SPAG6: variants seen among roughly 807,000 people sequenced by gnomAD.
SPAG6 encodes the protein sperm-associated antigen 6.
Under a neutral mutation model 58.5 loss-of-function variants are expected in SPAG6, and 49 were observed. That is an observed-to-expected ratio of 0.84 (90% CI 0.67 to 1.06). The LOEUF (loss-of-function observed/expected upper bound fraction) is 1.06, where lower values mean the gene tolerates loss of function less well. Ranked by LOEUF, SPAG6 falls within the 50% of genes least tolerant of loss-of-function variation. SPAG6 has a pLI of 0.00. For missense variants in SPAG6, 560 were observed against 611.3 expected (o/e 0.92, Z 0.89); for synonymous variants, 233 against 225.6 (o/e 1.03, Z -0.29).
At chr10:22,349,141 G>T (rs566118072) in intron 2 of SPAG6, among the ~76,000 whole-genome samples, 1 of 152,150 alleles carries the variant, frequency 6.6e-6, no homozygotes, top group East Asian at 1.9e-4. Flanking sequence ...GAGCCGCCAC[G>T]CCTGGGTAGT....
At chr10:22,351,789 A>T (rs891715359) in intron 2 of SPAG6, among the ~76,000 whole-genome samples, 4 of 152,164 alleles carry the variant, frequency 2.6e-5, no homozygotes, top group African/African-American at 9.7e-5. Context: ...CTAATTTTCA[A>T]AGTGAAATCT....
At chr10:22,372,940 C>T (rs1833734758) in intron 4 of SPAG6, among the ~76,000 whole-genome samples, 1 of 152,268 alleles carries the variant, frequency 6.6e-6, no homozygotes, top group East Asian at 1.9e-4. Context: ...CAGCAATTTA[C>T]GGTGGAACTG....
At chr10:22,371,735 A>G (rs1224744333) in intron 4 of SPAG6, among the ~76,000 whole-genome samples, 1 of 152,246 alleles carries the variant, frequency 6.6e-6, no homozygotes, top group East Asian at 1.9e-4. Context: ...ATAGAAGGAA[A>G]AAGTTCTGTG....
At chr10:22,364,777 T>C (rs1837145576) in intron 2 of SPAG6, 76 bp from the exon 3 acceptor site, 1 of 1,028,968 alleles carries the variant, frequency 9.7e-7, no homozygotes, top group South Asian at 1.7e-5. Context: ...TTTTACTGTC[T>C]GCATATATAC....
chr10:22,391,703 A>G lies in SPAG6; in HGVS notation c.1006-26A>G, dbSNP rs751234618. ...TTTAATCCTGCTCTAGATTCATAAC[A>G]CTTGCTCTTTTGATCCACGCTGCAG... On this transcript the variant is annotated intron_variant, in intron 7 of 10. Transcript: ENST00000376624. The G allele has an allele frequency of 8.1e-6, 13 of 1,606,598 alleles. No homozygotes were observed. In the East Asian group the frequency reaches 2.7e-4, roughly 33 times the overall value.
chr10:22,350,151 T>C (rs1233563530), intron 2 of SPAG6, among the ~76,000 whole-genome samples: 2 of 152,058 alleles, frequency 1.3e-5, no homozygotes, highest in African/African-American at 2.4e-5. Flanking sequence ...GTTGTGAATA[T>C]GAACGATAAT....
At chr10:22,350,197 G>A (rs1009282971) in intron 2 of SPAG6, among the ~76,000 whole-genome samples, 1 of 151,958 alleles carries the variant, frequency 6.6e-6, no homozygotes, top group African/African-American at 2.4e-5. Context: ...AAAAGATAGG[G>A]ATAGAGAGGT....
At chr10:22,349,655 G>A (rs1388083740) in intron 2 of SPAG6, among the ~76,000 whole-genome samples, 1 of 152,122 alleles carries the variant, frequency 6.6e-6, no homozygotes, top group Admixed American at 6.5e-5. Context: ...GTGGGGTAAA[G>A]TTTAAAATAT....
At chr10:22,411,325 C>G in intron 10 of SPAG6, 149 bp downstream of exon 10, 1 of 569,708 alleles carries the variant, frequency 1.8e-6, no homozygotes, top group Non-Finnish European at 3.0e-6. Context: ...GATCTCTTCC[C>G]CCTGCCAAAT....
chr10:22,388,543 G>A (rs559894203), intron 6 of SPAG6, among the ~76,000 whole-genome samples: 17 of 152,222 alleles, frequency 1.1e-4, no homozygotes, highest in Admixed American at 7.9e-4. Context: ...GTGATTTCCC[G>A]CCCTGAGTTC....
intron 4 of SPAG6, among the ~76,000 whole-genome samples, chr10:22,381,508 C>T (rs1003627674): frequency 3.3e-5 from 5 of 151,322 alleles, no homozygotes; most frequent in Admixed American, 2.0e-4. Flanking sequence ...TCCCACTCCC[C>T]GACCTTTTTT....
chr10:22,350,034 G>T (rs901139268), intron 2 of SPAG6, among the ~76,000 whole-genome samples: 6 of 151,460 alleles, frequency 4.0e-5, no homozygotes, highest in Non-Finnish European at 8.8e-5. Flanking sequence ...TGTTTCAAAG[G>T]ATATTGAAAC....
At chr10:22,367,148 G>C (rs2132052394) in intron 3 of SPAG6, among the ~76,000 whole-genome samples, 1 of 152,078 alleles carries the variant, frequency 6.6e-6, no homozygotes, top group Middle Eastern at 3.4e-3. Flanking sequence ...AGTGACTATT[G>C]ATACCCATAA....
intron 9 of SPAG6, among the ~76,000 whole-genome samples, chr10:22,404,938 G>A (rs1406904912): frequency 6.6e-6 from 1 of 151,942 alleles, no homozygotes; most frequent in Non-Finnish European, 1.5e-5. Context: ...TTGGCTGTTT[G>A]TCTGTTGTTG....
rs766771467 is a variant in SPAG6, at chr10:22,386,975, G to C, written c.678+16G>C. The C allele has an allele frequency of 6.3e-7, 1 of 1,590,432 alleles. No individual in the cohort carries two copies. Among genetic ancestry groups the C allele is most frequent in the South Asian group, 1.1e-5 (1 of 90,564 alleles). On this transcript the variant is annotated intron_variant, in intron 5 of 10. Coordinates refer to ENST00000376624, the MANE Select transcript of SPAG6 (RefSeq NM_012443.4). ...TAAATTGAAGGTATTTCAAAATAAG[G>C]TTGAAAAATACATCAGCCTTCTTAT...
chr10:22,405,171 A>G lies in SPAG6; in HGVS notation c.1314+3894A>G, dbSNP rs1342028850. ...TGCCCTGGCCAGAACTTCCAACACAATGTTGAATAGGAGTGGTGAGAGAGG... is the reference window on the plus strand; with the variant it reads ...TGCCCTGGCCAGAACTTCCAACACAGTGTTGAATAGGAGTGGTGAGAGAGG... On this transcript the variant is annotated intron_variant, in intron 9 of 10. Transcript: ENST00000376624. Among the ~76,000 whole-genome samples, 4 of 152,020 alleles carry G rather than the reference A, an allele frequency of 2.6e-5. No individual in the cohort carries two copies. The East Asian group carries it at 7.7e-4, about 29-fold the overall frequency.
chr10:22,386,740 T>C lies in SPAG6; in HGVS notation c.473-14T>C, dbSNP rs755150466. 10 of 1,611,328 alleles carry C rather than the reference T, an allele frequency of 6.2e-6. No individual in the cohort carries two copies. In the Admixed American group the frequency reaches 1.3e-4, roughly 22 times the overall value. ...TCACCCATACTCACTTAATTACTTT[T>C]CTTGGACCCACAGAACTGTCACAAG... On this transcript the variant is annotated splice_polypyrimidine_tract_variant and intron_variant, in intron 4 of 10. Transcript: ENST00000376624.
At chr10:22,365,107 C>A in intron 3 of SPAG6, 88 bp downstream of exon 3, 1 of 880,332 alleles carries the variant, frequency 1.1e-6, no homozygotes, top group Non-Finnish European at 1.7e-6. Flanking sequence ...AGCCTGTAGG[C>A]ATAAAATTAT....
At chr10:22,354,377 T>C (rs992375509) in intron 2 of SPAG6, among the ~76,000 whole-genome samples, 9 of 152,010 alleles carry the variant, frequency 5.9e-5, no homozygotes, top group African/African-American at 1.9e-4. Context: ...CATTCATCTG[T>C]AGAGAAAGGA....
Sources: allele counts gnomAD v4.1 joint callset (sites outside exome capture counted in the v4.1 genomes callset), GRCh38; gene constraint gnomAD v4.1.1; transcripts MANE v1.5; gene names NCBI Gene and HGNC (gene_info 2026-07-23, HGNC 2026-07-21).